Variants in RBMS3 observed in about 807,000 individuals in gnomAD.
RBMS3 encodes RNA-binding motif, single-stranded-interacting protein 3.
In RBMS3, 27 loss-of-function variants were observed where a neutral mutation model predicts 66.8. That is an observed-to-expected ratio of 0.40 (90% CI 0.30 to 0.56). RBMS3 has a LOEUF of 0.56. Among genes scored for constraint, RBMS3 ranks in the 20% least tolerant of loss-of-function variants. The pLI is 0.40. For synonymous variants in RBMS3, 188 were observed against 183.0 expected (o/e 1.03, Z -0.22); for missense variants, 513 against 549.5 (o/e 0.93, Z 0.66).
intron 2 of RBMS3, among the ~76,000 whole-genome samples, chr3:29,444,257 A>T (rs1408352857): frequency 6.6e-6 from 1 of 152,120 alleles, no homozygotes; most frequent in East Asian, 1.9e-4. Context: ...TAACTCATTT[A>T]GATGTCATGC....
At chr3:29,331,007 G>A (rs1183647072) in intron 1 of RBMS3, among the ~76,000 whole-genome samples, 1 of 152,080 alleles carries the variant, frequency 6.6e-6, no homozygotes, top group Non-Finnish European at 1.5e-5. Context: ...TGATTTAGGG[G>A]CTATGTTGGC....
chr3:29,332,514 C>T (rs558206121), intron 1 of RBMS3, among the ~76,000 whole-genome samples: 3 of 151,976 alleles, frequency 2.0e-5, no homozygotes, highest in African/African-American at 7.3e-5. Context: ...GTGGAATTAC[C>T]CTGGGCACCA....
chr3:29,523,828 C>A (rs776961330), intron 3 of RBMS3, among the ~76,000 whole-genome samples: 9 of 152,016 alleles, frequency 5.9e-5, no homozygotes, highest in Non-Finnish European at 1.2e-4. Flanking sequence ...TCTACCTGTC[C>A]AGCTCAAGCA....
intron 6 of RBMS3, among the ~76,000 whole-genome samples, chr3:29,815,591 A>C (rs2057865003): frequency 6.6e-6 from 1 of 152,186 alleles, no homozygotes; most frequent in Non-Finnish European, 1.5e-5. Flanking sequence ...ACACCATGGA[A>C]TAATACTCAG....
chr3:29,899,625 C>A, intron 9 of RBMS3, 80 bp from the exon 10 acceptor site: 2 of 1,266,888 alleles, frequency 1.6e-6, no homozygotes, highest in Non-Finnish European at 2.3e-6. Context: ...TTTCTTATGA[C>A]CTAGTGTGAC....
intron 4 of RBMS3, among the ~76,000 whole-genome samples, chr3:29,646,410 C>G (rs1490709839): frequency 6.6e-6 from 1 of 152,204 alleles, no homozygotes; most frequent in Non-Finnish European, 1.5e-5. Context: ...AAGGTGCACA[C>G]TTGTAATTGC....
At chr3:29,994,097 C>A (rs1027307609) in intron 14 of RBMS3, among the ~76,000 whole-genome samples, 9 of 152,256 alleles carry the variant, frequency 5.9e-5, no homozygotes, top group African/African-American at 2.2e-4. Flanking sequence ...CGAAGCAGGG[C>A]GAGGCATTGC....
At chr3:29,562,512 T>C (rs529401221) in intron 3 of RBMS3, among the ~76,000 whole-genome samples, 2 of 152,316 alleles carry the variant, frequency 1.3e-5, no homozygotes, top group South Asian at 2.1e-4. Context: ...ATGTTGATTA[T>C]GGAGTCACCT....
chr3:29,546,108 TTG>T (rs71091070), intron 3 of RBMS3, among the ~76,000 whole-genome samples: 4,121 of 145,928 alleles, frequency 0.028, 90 homozygotes, highest in African/African-American at 0.063. Context: ...TGAGACGGGT[TTG>T]TGTGTGTGTG....
intron 2 of RBMS3, among the ~76,000 whole-genome samples, chr3:29,451,603 T>G (rs1295587356): frequency 1.3e-5 from 2 of 152,110 alleles, no homozygotes; most frequent in African/African-American, 4.8e-5. Context: ...TTTAAGTAGA[T>G]CAGGATCCTT....
chr3:29,843,110 C>A (rs1342804665), intron 6 of RBMS3, among the ~76,000 whole-genome samples: 1 of 152,220 alleles, frequency 6.6e-6, no homozygotes, highest in Non-Finnish European at 1.5e-5. Flanking sequence ...TAGTGCTTAG[C>A]ACTTAAATTG....
At chr3:29,639,927 TAAA>T (rs555487349) in intron 4 of RBMS3, among the ~76,000 whole-genome samples, 1 of 151,430 alleles carries the variant, frequency 6.6e-6, no homozygotes, top group Admixed American at 6.6e-5. Flanking sequence ...CGGGGAGATA[TAAA>T]AAAAAGAAGG....
chr3:29,289,143 G>A (rs1298442100), intron 1 of RBMS3, among the ~76,000 whole-genome samples: 1 of 151,816 alleles, frequency 6.6e-6, no homozygotes, highest in Non-Finnish European at 1.5e-5. Context: ...GTTCATATCA[G>A]TCTGTGTGTT....
chr3:29,763,854 T>G (rs9852393), intron 6 of RBMS3, among the ~76,000 whole-genome samples: 72,681 of 151,606 alleles, frequency 0.48, 18,055 homozygotes, highest in African/African-American at 0.61. Context: ...AATAAGGCAG[T>G]TTGGTTTATT....
At chr3:29,683,165 T>C (rs2051568930) in intron 4 of RBMS3, among the ~76,000 whole-genome samples, 1 of 152,200 alleles carries the variant, frequency 6.6e-6, no homozygotes, top group Non-Finnish European at 1.5e-5. Flanking sequence ...ACCATTTGTT[T>C]GGTTCCTCAT....
chr3:29,867,762 A>G (rs1401999999), intron 6 of RBMS3, among the ~76,000 whole-genome samples: 1 of 151,636 alleles, frequency 6.6e-6, no homozygotes. Flanking sequence ...AGAGGCAAGG[A>G]CACAGGAATT....
chr3:29,549,930 T>C (rs2149029923), intron 3 of RBMS3, among the ~76,000 whole-genome samples: 1 of 152,258 alleles, frequency 6.6e-6, no homozygotes, highest in East Asian at 1.9e-4. Context: ...ATTCTGTGCT[T>C]GTCCTTGCTC....
Position 30,008,542 on chromosome 3 carries a change from G to A in RBMS3, c.*4680G>A, listed in dbSNP as rs1057426047. On this transcript the variant is annotated 3_prime_UTR_variant, in exon 15 of 15. Coordinates refer to ENST00000383767, the MANE Select transcript of RBMS3 (RefSeq NM_001003793.3). ...TGAAGGATGAGATTTTGTCTTTCAT[G>A]TTATTGTAGCTGGCATGCTTCAAAA... is the stretch of plus-strand genomic sequence containing the variant. 4 of 152,046 alleles carry A rather than the reference G, an allele frequency of 2.6e-5. No individual in the cohort carries two copies. Among genetic ancestry groups the A allele is most frequent in the African/African-American group, 9.7e-5 (4 of 41,416 alleles). 9.4% of individuals were successfully genotyped at this position (152,046 alleles called of 1,614,324 possible).
rs377281286 is a variant in RBMS3 at position 30,009,725 on chromosome 3, C to T, written c.*5863C>T. The T allele has an allele frequency of 3.9e-5, 6 of 151,966 alleles. No homozygotes were observed. Among genetic ancestry groups the T allele is most frequent in the South Asian group, 2.1e-4 (1 of 4,812 alleles). The allele number at this position is 151,966 out of a possible 1,614,324, so 9.4% of individuals were successfully genotyped here. A position where few individuals can be genotyped will look rare whatever the true frequency, so the allele number is the denominator to read the frequency against. On this transcript the variant is annotated 3_prime_UTR_variant, in exon 15 of 15. Transcript: ENST00000383767. The stretch of plus-strand genomic sequence containing the variant: ...TTTTGACTGCGTTACTTATTAAGGC[C>T]GAATGACTTTGACACCCCCGTGGAT...
Sources: gnomAD v4.1 joint callset for allele counts (sites outside exome capture counted in the v4.1 genomes callset) on GRCh38, gnomAD v4.1.1 for gene constraint, MANE v1.5 for transcripts, NCBI Gene and HGNC (gene_info 2026-07-23, HGNC 2026-07-21) for gene names.